SP140: variants seen among roughly 807,000 people sequenced by gnomAD.
SP140 encodes the protein SP140 nuclear body protein.
A neutral mutation model predicts 125.0 loss-of-function variants in SP140; 81 were observed. The ratio of observed to expected loss-of-function variants is 0.65; its 90% CI spans 0.54 to 0.78. SP140 has a LOEUF of 0.78. SP140 is among the 30% of genes least tolerant of loss of function. SP140 has a pLI of 0.00. For missense variants in SP140, 858 were observed against 1,037.0 expected (o/e 0.83, Z 2.37); for synonymous variants, 312 against 354.0 (o/e 0.88, Z 1.33).
the SP140 span, among the ~76,000 whole-genome samples, chr2:230,186,661 C>T: frequency 6.6e-6 from 1 of 152,082 alleles, no homozygotes; most frequent in Admixed American, 6.5e-5. Flanking sequence ...CTCCTCCGTC[C>T]CTCTCCTTTC....
intron 1 of SP140, among the ~76,000 whole-genome samples, chr2:230,206,944 C>T (rs75846126): frequency 0.016 from 2,442 of 152,050 alleles, 34 homozygotes; most frequent in Non-Finnish European, 0.023. Context: ...TCCTAAAGTA[C>T]CAGGAAAACT....
chr2:230,191,152 A>C, the SP140 span, among the ~76,000 whole-genome samples: 4 of 152,186 alleles, frequency 2.6e-5, no homozygotes, highest in African/African-American at 7.2e-5. Context: ...TGTTAAGAGG[A>C]AAACTTGTAG....
intron 22 of SP140, among the ~76,000 whole-genome samples, chr2:230,298,503 GTGTT>G (rs747490729): frequency 6.6e-6 from 1 of 152,206 alleles, no homozygotes; most frequent in Non-Finnish European, 1.5e-5. Context: ...CTGGAAGTCA[GTGTT>G]TGTGTGGCTG....
At chr2:230,272,870 C>T (rs1219898053) in intron 15 of SP140, among the ~76,000 whole-genome samples, 2 of 152,142 alleles carry the variant, frequency 1.3e-5, no homozygotes, top group African/African-American at 4.8e-5. Flanking sequence ...GTAAATGGTA[C>T]TGGGATAATC....
chr2:230,215,096 T>C, intron 3 of SP140: 5 of 1,613,892 alleles, frequency 3.1e-6, no homozygotes, highest in Non-Finnish European at 4.2e-6. Context: ...AGGGATCAAA[T>C]TTCTACAGGC....
At chr2:230,200,636 G>C, upstream of SP140, 1 of 541,228 alleles carries the variant, frequency 1.8e-6, no homozygotes, top group South Asian at 2.1e-5. Flanking sequence ...TCATTCTTGA[G>C]TGCTGAGAAA....
At chr2:230,263,272 T>C (rs2052567373) in intron 12 of SP140, among the ~76,000 whole-genome samples, 1 of 152,190 alleles carries the variant, frequency 6.6e-6, no homozygotes, top group Non-Finnish European at 1.5e-5. Flanking sequence ...AATATAAGAA[T>C]AGCTACCCCT....
intron 7 of SP140, 145 bp from the exon 8 acceptor site, chr2:230,247,771 C>A (rs985013235): frequency 7.0e-6 from 5 of 710,614 alleles, no homozygotes; most frequent in African/African-American, 1.8e-5. Context: ...TCTGATGACT[C>A]TTTCTCATCT....
At chr2:230,307,165 G>A (rs1008944742) in intron 22 of SP140, among the ~76,000 whole-genome samples, 1 of 152,190 alleles carries the variant, frequency 6.6e-6, no homozygotes, top group Admixed American at 6.5e-5. Context: ...CCTCTTTGCT[G>A]AGGGCTGAAC....
rs201018814 is a variant in SP140, at chr2:230,237,089, C to G, written c.66C>G (p.Val22=). 3 of 1,577,328 alleles carry G rather than the reference C, an allele frequency of 1.9e-6. No homozygotes were observed. The African/African-American group carries it at 4.1e-5, about 22-fold the overall frequency. ...SGDSNLNFRM[V]AEIQNVEGQN... ...TTGTATCTTTGTTTCTTAGGATGGT[C>G]GCAGAGATCCAGAACGTAGAGGGTC... The change falls in exon 2 of 27, where the codon GTC becomes GTG. Residue 22 remains valine (V), a synonymous_variant. Coordinates refer to ENST00000392045, the MANE Select transcript of SP140 (RefSeq NM_007237.5). The surrounding 1 kb of genome is among the most constrained non-coding windows in gnomAD (Gnocchi z 5.4).
At chr2:230,292,579 G>A in intron 19 of SP140, 67 bp from the exon 20 acceptor site, 1 of 1,599,224 alleles carries the variant, frequency 6.3e-7, no homozygotes, top group African/African-American at 1.3e-5. Flanking sequence ...ATCCAGTGTG[G>A]TGAGTGGCCA....
the SP140 span, among the ~76,000 whole-genome samples, chr2:230,192,969 T>C: frequency 2.0e-5 from 3 of 152,180 alleles, no homozygotes; most frequent in Non-Finnish European, 4.4e-5. Flanking sequence ...CCCACTATTA[T>C]TGTGTTGTTG....
upstream of SP140, chr2:230,221,717 C>T (rs2045837859): frequency 2.0e-6 from 3 of 1,535,946 alleles, no homozygotes; most frequent in Non-Finnish European, 2.6e-6. Context: ...GAAGCCCCTC[C>T]CCATCACCTG....
At chr2:230,297,341 A>T (rs1057500098) in intron 21 of SP140, 80 bp from the exon 22 acceptor site, 14 of 1,501,386 alleles carry the variant, frequency 9.3e-6, no homozygotes, top group African/African-American at 1.4e-5. Flanking sequence ...CCTTCAAAGA[A>T]TACTATTTAA....
At chr2:230,232,662 C>A (rs573579671) in intron 1 of SP140, among the ~76,000 whole-genome samples, 11 of 152,188 alleles carry the variant, frequency 7.2e-5, no homozygotes, top group Non-Finnish European at 1.5e-4. Context: ...TGTTCAATTT[C>A]TCTTCATTAT....
At chr2:230,203,623 A>G (rs1205438726) in intron 1 of SP140, 1 of 148,842 alleles carries the variant, frequency 6.7e-6, no homozygotes, top group Non-Finnish European at 1.5e-5. Context: ...TGCCAAGTTT[A>G]GGGTTTTTTT....
chr2:230,234,557 T>G (rs1241873882), intron 1 of SP140, among the ~76,000 whole-genome samples: 2 of 152,232 alleles, frequency 1.3e-5, no homozygotes, highest in Non-Finnish European at 2.9e-5. Context: ...AAGAACTGAA[T>G]GGGTATACAC....
intron 15 of SP140, among the ~76,000 whole-genome samples, chr2:230,278,400 A>C (rs1224841900): frequency 6.6e-6 from 1 of 152,044 alleles, no homozygotes; most frequent in East Asian, 1.9e-4. Flanking sequence ...TTTAGGTAGT[A>C]ACCCTTATCA....
At position 230,276,938 on chromosome 2, in the gene SP140, T is replaced by C. The variant is rs147942417; in HGVS notation, c.1498+6299T>C. Among the ~76,000 whole-genome samples the C allele has an allele frequency of 1.5e-3, 225 of 152,286 alleles. 5 individuals carry two copies. The East Asian group carries it at 0.041, about 28-fold the overall frequency. On this transcript the variant is annotated intron_variant, in intron 15 of 26. Transcript: ENST00000392045. ...TAGAAGTGGAGCCTGAAGATGTGAT[T>C]GAATTGCTGCAATCTCATGATAAAC... is the stretch of plus-strand genomic sequence containing the variant.
Sources: allele counts gnomAD v4.1 joint callset (sites outside exome capture counted in the v4.1 genomes callset), GRCh38; gene constraint gnomAD v4.1.1; non-coding constraint Gnocchi (gnomAD v3.1); transcripts MANE v1.5; gene names NCBI Gene and HGNC (gene_info 2026-07-23, HGNC 2026-07-21).